UBA3: variants seen among roughly 807,000 people sequenced by gnomAD.
UBA3 encodes the protein NEDD8-activating enzyme E1 catalytic subunit.
A neutral mutation model predicts 73.5 loss-of-function variants in UBA3; 26 were observed. The ratio of observed to expected loss-of-function variants is 0.35; its 90% CI spans 0.26 to 0.49. The LOEUF is 0.49. Among genes scored for constraint, UBA3 ranks in the 20% least tolerant of loss-of-function variants. UBA3 has a pLI of 0.98. For missense variants in UBA3, 495 were observed against 555.6 expected, an observed-to-expected ratio of 0.89 and a Z score of 1.10; for synonymous variants, 217 against 191.2, an observed-to-expected ratio of 1.13 and a Z score of -1.11.
chr3:69,067,587 A>C (rs763084141), intron 6 of UBA3, among the ~76,000 whole-genome samples: 2 of 152,212 alleles, frequency 1.3e-5, no homozygotes, highest in Admixed American at 6.5e-5. Flanking sequence ...TACTATAAAG[A>C]AACAAAGATT....
At position 69,063,427 on chromosome 3, in the gene UBA3, TA is replaced by T. The variant is rs1013030143; in HGVS notation, c.537+11del. 6.3e-7 allele frequency: 1 copy of T among 1,589,004 alleles called. No homozygotes were observed. The highest frequency in any genetic ancestry group is 1.4e-5 in the African/African-American group (1 of 73,098). On this transcript the variant is annotated intron_variant, in intron 8 of 17. Coordinates refer to ENST00000361055, the MANE Select transcript of UBA3 (RefSeq NM_003968.4). ...GAACTTCAGAGAACTATAACAATAC[TA>T]AAGTCTTTACCAGCATGCCATTTAT...
In UBA3 at chr3:69,075,410, T is replaced by C; in HGVS notation, c.264+20A>G. ...CACAAAGAAGAAAAAAATATTTATATATATATGTATATATATTACCAGATT... is the reference window on the plus strand; with the variant it reads ...CACAAAGAAGAAAAAAATATTTATACATATATGTATATATATTACCAGATT... On this transcript the variant is annotated intron_variant, in intron 4 of 17. Transcript: ENST00000361055. The C allele has an allele frequency of 1.7e-6, 2 of 1,176,464 alleles. No homozygotes were observed. Among genetic ancestry groups the C allele is most frequent in the African/African-American group, 1.6e-5 (1 of 61,892 alleles). The allele number at this position is 1,176,464 out of a possible 1,614,324, so 72.9% of individuals were successfully genotyped here.
chr3:69,066,971 ACT>A (rs1315604720), intron 6 of UBA3, among the ~76,000 whole-genome samples: 1 of 152,182 alleles, frequency 6.6e-6, no homozygotes, highest in East Asian at 1.9e-4. Context: ...TGGTAACGCC[ACT>A]GAGTCTGGAT....
rs2091963185 is a variant in UBA3 at position 69,055,270 on chromosome 3, C to G, written c.*167G>C. ...TGAAAATGCTTACAAGCACCAACAC[C>G]AAAATTCTGTCTTCAAGGGAAGGTT... On this transcript the variant is annotated 3_prime_UTR_variant, in exon 18 of 18. Transcript: ENST00000361055. 2.3e-6 allele frequency: 1 copy of G among 437,666 alleles called. No individual in the cohort carries two copies. The highest frequency in any genetic ancestry group is 4.1e-6 in the Non-Finnish European group (1 of 245,174). 27.1% of individuals were successfully genotyped at this position (437,666 alleles called of 1,614,324 possible).
In UBA3 at chr3:69,063,129, A is replaced by G; in HGVS notation, c.546T>C (p.Leu182=). 6.2e-7 allele frequency: 1 copy of G among 1,613,846 alleles called. No individual in the cohort carries two copies. The highest frequency in any genetic ancestry group is 8.5e-7 in the Non-Finnish European group (1 of 1,179,906). The change falls in exon 9 of 18, where the codon CTT becomes CTC. Residue 182 remains leucine (L), a synonymous_variant. Coordinates refer to ENST00000361055, the MANE Select transcript of UBA3 (RefSeq NM_003968.4). ...CTAAGACACCATCTTCATAATTTAGAAGAGATATCTAGGAAAACAATTTGA... is the reference window on the plus strand; with the variant it reads ...CTAAGACACCATCTTCATAATTTAGGAGAGATATCTAGGAAAACAATTTGA... ...RRWINGMLIS[L]LNYEDGVLDP... is the part of the protein sequence containing the mutation.
intron 11 of UBA3, 89 bp downstream of exon 11, chr3:69,061,725 G>T: frequency 3.7e-6 from 3 of 803,354 alleles, no homozygotes; most frequent in Non-Finnish European, 4.0e-6. Context: ...GGATGGTACT[G>T]TCTAAACTCA....
chr3:69,064,027 C>G, intron 7 of UBA3, 41 bp downstream of exon 7: 1 of 1,544,640 alleles, frequency 6.5e-7, no homozygotes, highest in South Asian at 1.2e-5. Context: ...CTAAAAAATT[C>G]TAAGAATCTA....
intron 3 of UBA3, 163 bp downstream of exon 3, chr3:69,077,633 CAA>C (rs1340080963): frequency 2.7e-6 from 2 of 733,874 alleles, no homozygotes; most frequent in East Asian, 3.4e-5. Context: ...AATATTCAAA[CAA>C]AATCAGTTGT....
chr3:69,063,985 G>T, intron 7 of UBA3, 83 bp downstream of exon 7: 2 of 1,192,760 alleles, frequency 1.7e-6, no homozygotes, highest in South Asian at 1.4e-5. Context: ...AAATAGCCTT[G>T]AAATAGCTAG....
intron 5 of UBA3, among the ~76,000 whole-genome samples, chr3:69,070,885 ATCT>A (rs1165847672): frequency 6.6e-6 from 1 of 152,044 alleles, no homozygotes; most frequent in African/African-American, 2.4e-5. Flanking sequence ...GGCTCAAGCA[ATCT>A]TCTCACCTCA....
intron 4 of UBA3, among the ~76,000 whole-genome samples, chr3:69,073,488 T>G (rs546609366): frequency 2.6e-4 from 39 of 152,352 alleles, no homozygotes; most frequent in Admixed American, 1.2e-3. Context: ...TACTATATAC[T>G]TACTTTTTCA....
At chr3:69,059,819 G>C (rs1002483395) in intron 11 of UBA3, among the ~76,000 whole-genome samples, 13 of 152,208 alleles carry the variant, frequency 8.5e-5, no homozygotes, top group Middle Eastern at 3.4e-3. Context: ...TTCTAAAAAA[G>C]GAAACTATAA....
At chr3:69,061,949 G>T in intron 10 of UBA3, 22 bp from the exon 11 acceptor site, 1 of 1,453,290 alleles carries the variant, frequency 6.9e-7, no homozygotes. Flanking sequence ...AAAAAAGGGA[G>T]AGAGAGAGAG....
rs750511747 is a variant in UBA3, at chr3:69,064,069, T to A, written c.471A>T (p.Arg157=). 2.5e-6 allele frequency: 4 copies of A among 1,603,424 alleles called. No homozygotes were observed. The highest frequency in any genetic ancestry group is 1.7e-5 in the Admixed American group (1 of 57,792). The change falls in exon 7 of 18, where the codon CGA becomes CGT. Residue 157 remains arginine, a splice_region_variant and synonymous_variant. Coordinates refer to ENST00000361055, the MANE Select transcript of UBA3 (RefSeq NM_003968.4). ...KIQDFNDTFY[R]QFHIIVCGLD... is the part of the protein sequence containing the mutation. ...ATTAATTTCAAGTAAAAAACTTACG[T>A]CGATAGAAAGTGTCGTTAAAATCTT...
chr3:69,067,434 A>G (rs1168679920), intron 6 of UBA3, among the ~76,000 whole-genome samples: 1 of 152,214 alleles, frequency 6.6e-6, no homozygotes, highest in East Asian at 1.9e-4. Flanking sequence ...CTGACTTTCT[A>G]TAAAATGCCA....
chr3:69,057,578 G>C (rs1335940393), intron 11 of UBA3, among the ~76,000 whole-genome samples: 1 of 152,132 alleles, frequency 6.6e-6, no homozygotes, highest in African/African-American at 2.4e-5. Flanking sequence ...TAACAATTTA[G>C]AGTATTATGT....
At chr3:69,071,680 G>C (rs1671185143) in intron 4 of UBA3, 63 bp from the exon 5 acceptor site, 1 of 1,026,742 alleles carries the variant, frequency 9.7e-7, no homozygotes. Context: ...CGTAACATTT[G>C]TTTTCAATGT....
At position 69,066,444 on chromosome 3, in the gene UBA3, G is replaced by GTT. The variant is rs11413559; in HGVS notation, c.428+1482_428+1483dup. Reference sequence around the variant, plus strand: ...GTTCTATCGTTTTATGGTTTTTTGTGTTTTTTTTTGTTTTTTTGAGATGGA... The same window carrying GTT: ...GTTCTATCGTTTTATGGTTTTTTGTGTTTTTTTTTTTGTTTTTTTGAGATGGA... On this transcript the variant is annotated intron_variant, in intron 6 of 17. Coordinates refer to ENST00000361055, the MANE Select transcript of UBA3 (RefSeq NM_003968.4). 3.7e-3 allele frequency among the ~76,000 whole-genome samples: 548 copies of GTT among 149,674 alleles called. 3 individuals are homozygous for GTT. The highest frequency in any genetic ancestry group is 0.02 in the East Asian group (101 of 5,090).
intron 14 of UBA3, 138 bp downstream of exon 14, chr3:69,056,474 G>A (rs1266697028): frequency 2.3e-6 from 2 of 860,868 alleles, no homozygotes; most frequent in South Asian, 2.0e-5. Context: ...GTTATTTCAG[G>A]CTATAAAGCA....
Sources: gnomAD v4.1 joint callset for allele counts (sites outside exome capture counted in the v4.1 genomes callset) on GRCh38, gnomAD v4.1.1 for gene constraint, MANE v1.5 for transcripts, NCBI Gene and HGNC (gene_info 2026-07-23, HGNC 2026-07-21) for gene names.